ENPP2: variants seen among roughly 807,000 people sequenced by gnomAD.
The protein encoded by ENPP2 is ectonucleotide pyrophosphatase/phosphodiesterase 2, also known as autotaxin.
ENPP2 carries 51 observed loss-of-function variants against 120.2 expected under a neutral mutation model. The observed-to-expected ratio is 0.42, with a 90% CI of 0.34 to 0.54. The LOEUF (loss-of-function observed/expected upper bound fraction) is 0.54. ENPP2 is among the 20% of genes least tolerant of loss of function. ENPP2 has a pLI of 0.04. For synonymous variants in ENPP2, 365 were observed against 366.4 expected (o/e 1.00, Z 0.04); for missense variants, 920 against 1,066.5 (o/e 0.86, Z 1.91).
At position 119,567,914 on chromosome 8, in the gene ENPP2, A is replaced by C. The variant is rs568616319; in HGVS notation, c.2131+261T>G. The stretch of plus-strand genomic sequence containing the variant: ...ACCTGTGGTCACTTTCTGTGATATC[A>C]ATTTCTTAATTATAAACCGGGGATA... On this transcript the variant is annotated intron_variant, in intron 22 of 24. Transcript: ENST00000075322. Among the ~76,000 whole-genome samples the C allele has an allele frequency of 5.9e-5, 9 of 152,348 alleles. No homozygotes were observed. The South Asian group carries it at 1.9e-3, about 32-fold the overall frequency.
At chr8:119,603,960 G>A (rs888838809) in intron 9 of ENPP2, among the ~76,000 whole-genome samples, 6 of 151,484 alleles carry the variant, frequency 4.0e-5, no homozygotes, top group Non-Finnish European at 4.4e-5. Flanking sequence ...CTGACCTTAG[G>A]TGCAACATTT....
chr8:119,567,013 T>A (rs1814508369), intron 22 of ENPP2, among the ~76,000 whole-genome samples: 1 of 152,194 alleles, frequency 6.6e-6, no homozygotes, highest in African/African-American at 2.4e-5. Flanking sequence ...AATGTTAAGC[T>A]GCGGAGGCCC....
In ENPP2 at chr8:119,582,566, G is replaced by C; in HGVS notation, c.1580C>G (p.Thr527Ser). Reference protein sequence around the residue: ...LGLKPAPNNGTHGSLNHLLRT... With the variant: ...LGLKPAPNNGSHGSLNHLLRT... ...CAGGAGATGATTCAAACTTCCATGG[G>C]TCCCATTATTAGGAGCTGGCTTCAA... The change falls in exon 18 of 25, where the codon ACC (threonine) becomes AGC (serine). Residue 527 changes from threonine (T) to serine (S), a missense_variant. By Grantham distance (58) the Thr-to-Ser change is moderately conservative. Transcript: ENST00000075322. 6.2e-7 allele frequency: 1 copy of C among 1,613,650 alleles called. No individual in the cohort carries two copies. Among genetic ancestry groups the C allele is most frequent in the Non-Finnish European group, 8.5e-7 (1 of 1,179,592 alleles).
At chr8:119,570,479 A>G (rs1162251093) in intron 20 of ENPP2, among the ~76,000 whole-genome samples, 4 of 152,206 alleles carry the variant, frequency 2.6e-5, no homozygotes, top group Non-Finnish European at 4.4e-5. Context: ...AAGAAAATAA[A>G]AGAATTAGTG....
intron 8 of ENPP2, among the ~76,000 whole-genome samples, chr8:119,615,805 G>T (rs1392697616): frequency 2.0e-5 from 3 of 152,064 alleles, no homozygotes; most frequent in South Asian, 4.2e-4. Context: ...CCTAAATCTG[G>T]GAAATCAATG....
At chr8:119,587,250 A>C (rs1813180309) in intron 13 of ENPP2, among the ~76,000 whole-genome samples, 175 bp from the exon 14 acceptor site, 1 of 152,200 alleles carries the variant, frequency 6.6e-6, no homozygotes, top group Non-Finnish European at 1.5e-5. Flanking sequence ...TCAGTCATTG[A>C]CATGCAGCTA....
At chr8:119,581,543 C>T (rs1812736923) in intron 18 of ENPP2, among the ~76,000 whole-genome samples, 1 of 152,040 alleles carries the variant, frequency 6.6e-6, no homozygotes, top group South Asian at 2.1e-4. Flanking sequence ...ACAAGCTGCA[C>T]TCATCGGCCA....
intron 8 of ENPP2, among the ~76,000 whole-genome samples, chr8:119,614,359 C>A (rs1815321550): frequency 6.6e-6 from 1 of 152,086 alleles, no homozygotes; most frequent in Non-Finnish European, 1.5e-5. Context: ...GCCACCACGC[C>A]CGGCCCCTCC....
chr8:119,627,837 G>C (rs1222019853), intron 2 of ENPP2, among the ~76,000 whole-genome samples: 1 of 148,606 alleles, frequency 6.7e-6, no homozygotes, highest in African/African-American at 2.5e-5. Flanking sequence ...ACTCCAGCCT[G>C]GGTAACAGAG....
rs1261936136 is a variant in ENPP2 at position 119,626,338 on chromosome 8, C to T, written c.292+227G>A. Among the ~76,000 whole-genome samples the T allele has an allele frequency of 2.0e-5, 3 of 152,338 alleles. No homozygotes were observed. The South Asian group carries it at 6.2e-4, about 32-fold the overall frequency. On this transcript the variant is annotated intron_variant, in intron 3 of 24. Coordinates refer to ENST00000075322, the MANE Select transcript of ENPP2 (RefSeq NM_001040092.3). Reference sequence around the variant, plus strand: ...ACAAAAAACATTTGCAAAACCAGCACATCATGACTGCAGCTGCAAAGAACC... The same window carrying T: ...ACAAAAAACATTTGCAAAACCAGCATATCATGACTGCAGCTGCAAAGAACC...
upstream of ENPP2, among the ~76,000 whole-genome samples, chr8:119,640,875 T>G (rs1396337536): frequency 6.6e-6 from 1 of 151,998 alleles, no homozygotes; most frequent in Admixed American, 6.5e-5. Context: ...GCCTCCCGAG[T>G]AGCTGGGATT....
intron 23 of ENPP2, among the ~76,000 whole-genome samples, chr8:119,564,470 G>A (rs1379110941): frequency 6.6e-6 from 1 of 152,028 alleles, no homozygotes; most frequent in African/African-American, 2.4e-5. Flanking sequence ...TTGAGGTCAG[G>A]AGTTCAAGAC....
rs111682060 is a variant in ENPP2 at position 119,633,860 on chromosome 8, A to G, written c.136+4565T>C. Among the ~76,000 whole-genome samples the G allele has an allele frequency of 1.5e-3, 231 of 151,896 alleles. 4 individuals are homozygous for G. The highest frequency in any genetic ancestry group is 5.3e-3 in the African/African-American group (220 of 41,300). ...AAAGAGGTCCACCTGGGAAGTTTTT[A>G]AACACCTGTGCTTTCAAAACATTTA... On this transcript the variant is annotated intron_variant, in intron 2 of 24. Transcript: ENST00000075322.
chr8:119,627,610 C>T lies in ENPP2; in HGVS notation c.137-890G>A, dbSNP rs970003080. On this transcript the variant is annotated intron_variant, in intron 2 of 24. Transcript: ENST00000075322. ...GGCAAGGTGCCTCATACCTGTAATC[C>T]CAGCACTTTGGGAGGCCGAGGTCGG... 2.6e-5 allele frequency among the ~76,000 whole-genome samples: 4 copies of T among 151,884 alleles called. No individual in the cohort carries two copies. The East Asian group carries it at 7.7e-4, about 29-fold the overall frequency.
In ENPP2 at chr8:119,582,563, T is replaced by C. The variant is rs375963655; in HGVS notation, c.1583A>G (p.His528Arg). 9 of 1,613,840 alleles carry C rather than the reference T, an allele frequency of 5.6e-6. No homozygotes were observed. Among genetic ancestry groups the C allele is most frequent in the Non-Finnish European group, 7.6e-6 (9 of 1,179,724 alleles). Residue 528 changes from histidine (H) to arginine (R), a missense_variant, in exon 18 of 25, where the codon CAT becomes CGT. Coordinates refer to ENST00000075322, the MANE Select transcript of ENPP2 (RefSeq NM_001040092.3). ...GLKPAPNNGTHGSLNHLLRTN... is the reference protein window; with the variant it reads ...GLKPAPNNGTRGSLNHLLRTN... ...GCGCAGGAGATGATTCAAACTTCCA[T>C]GGGTCCCATTATTAGGAGCTGGCTT...
chr8:119,575,306 G>A (rs1363851000), intron 19 of ENPP2, among the ~76,000 whole-genome samples: 5 of 151,990 alleles, frequency 3.3e-5, no homozygotes, highest in African/African-American at 4.8e-5. Context: ...GGTGCTGGCC[G>A]CTGGGTTATT....
At chr8:119,663,884 TTAA>T (rs1260991680) in intron 1 of ENPP2, among the ~76,000 whole-genome samples, 9 of 152,192 alleles carry the variant, frequency 5.9e-5, no homozygotes, top group African/African-American at 2.2e-4. Context: ...CTGAAGAGTA[TTAA>T]TGATGGAAAA....
intron 11 of ENPP2, among the ~76,000 whole-genome samples, chr8:119,599,083 T>C (rs1258890219): frequency 6.6e-6 from 1 of 152,170 alleles, no homozygotes; most frequent in Non-Finnish European, 1.5e-5. Flanking sequence ...AGAAAGTCAA[T>C]CTAAAAATAA....
chr8:119,650,917 G>T (rs1003790955), intron 1 of ENPP2, among the ~76,000 whole-genome samples: 9 of 151,984 alleles, frequency 5.9e-5, no homozygotes, highest in Non-Finnish European at 1.3e-4. Context: ...CAGAGTTTGT[G>T]GGGCAGTTGT....
Sources: gnomAD v4.1 joint callset for allele counts (sites outside exome capture counted in the v4.1 genomes callset) on GRCh38, gnomAD v4.1.1 for gene constraint, MANE v1.5 for transcripts, NCBI Gene and HGNC (gene_info 2026-07-23, HGNC 2026-07-21) for gene names.